UNC79: variants seen among roughly 807,000 people sequenced by gnomAD.
The protein encoded by UNC79 is unc-79 subunit of NALCN channel complex, also known as protein unc-79 homolog.
Under a neutral mutation model 283.1 loss-of-function variants are expected in UNC79, and 37 were observed. The observed-to-expected ratio is 0.13, with a 90% CI of 0.10 to 0.17. The LOEUF is 0.17. Among genes scored for constraint, UNC79 ranks in the 10% least tolerant of loss-of-function variants. UNC79 has a pLI of 1.00. For synonymous variants in UNC79, 1,107 were observed against 1,200.2 expected, an observed-to-expected ratio of 0.92 and a Z score of 1.61; for missense variants, 2,272 against 3,211.1, an observed-to-expected ratio of 0.71 and a Z score of 7.07.
chr14:93,333,939 G>C (rs2053516463), intron 1 of UNC79, among the ~76,000 whole-genome samples: 1 of 151,940 alleles, frequency 6.6e-6, no homozygotes, highest in African/African-American at 2.4e-5. Flanking sequence ...AACCCAGTGA[G>C]GAGGCACCGT....
At chr14:93,588,615 C>T (rs1258200609) in intron 22 of UNC79, among the ~76,000 whole-genome samples, 1 of 151,616 alleles carries the variant, frequency 6.6e-6, no homozygotes, top group Non-Finnish European at 1.5e-5. Flanking sequence ...GTGGTGGGCA[C>T]CTTTAGTCCC....
chr14:93,471,788 A>T (rs1374347838), intron 2 of UNC79, among the ~76,000 whole-genome samples: 1 of 151,952 alleles, frequency 6.6e-6, no homozygotes, highest in African/African-American at 2.4e-5. Context: ...AAAGGCAGTG[A>T]GAGAGAAGTT....
chr14:93,347,507 T>C (rs1386478744), intron 1 of UNC79: 23 of 1,241,424 alleles, frequency 1.9e-5, no homozygotes, highest in Non-Finnish European at 2.3e-5. Flanking sequence ...TGGGAGGCTC[T>C]TGTGGCTTGG....
intron 1 of UNC79, among the ~76,000 whole-genome samples, chr14:93,410,382 T>C (rs6575331): frequency 0.71 from 107,341 of 151,936 alleles, 38,394 homozygotes; most frequent in Middle Eastern, 0.78. Flanking sequence ...GAAAGGCACC[T>C]TAGGCTACAA....
At chr14:93,491,970 GT>G in intron 5 of UNC79, among the ~76,000 whole-genome samples, 1 of 152,188 alleles carries the variant, frequency 6.6e-6, no homozygotes, top group African/African-American at 2.4e-5. Context: ...GTAGGTCATG[GT>G]TCTGTTGTTT....
intron 39 of UNC79, among the ~76,000 whole-genome samples, chr14:93,660,717 A>G (rs1406879228): frequency 2.6e-5 from 4 of 151,190 alleles, no homozygotes; most frequent in Non-Finnish European, 5.9e-5. Flanking sequence ...CAGCCTCCCA[A>G]GTAGCTGGGA....
chr14:93,615,037 G>A (rs1044168954), intron 27 of UNC79, among the ~76,000 whole-genome samples: 3 of 152,096 alleles, frequency 2.0e-5, no homozygotes, highest in Admixed American at 1.3e-4. Flanking sequence ...GAGGACTTGG[G>A]GCTACAGAGA....
intron 37 of UNC79, among the ~76,000 whole-genome samples, chr14:93,654,472 TAATGGCTACATTACACTCC>T (rs145619643): frequency 0.04 from 5,997 of 148,620 alleles, 351 homozygotes; most frequent in African/African-American, 0.13. Context: ...CTCCAAGTTG[TAATGGCTACATTACACTCC>T]AATGGCTACA....
At chr14:93,648,673 G>A (rs2069901483) in intron 35 of UNC79, among the ~76,000 whole-genome samples, 1 of 152,128 alleles carries the variant, frequency 6.6e-6, no homozygotes, top group Non-Finnish European at 1.5e-5. Context: ...GGTAGTGGTA[G>A]AGGAGGGGAG....
chr14:93,628,828 T>C (rs2067780756), intron 30 of UNC79, among the ~76,000 whole-genome samples: 1 of 152,232 alleles, frequency 6.6e-6, no homozygotes, highest in Non-Finnish European at 1.5e-5. Context: ...AACAGAATCT[T>C]AGTACACTAA....
chr14:93,515,473 G>A (rs2060011763), intron 7 of UNC79, among the ~76,000 whole-genome samples: 1 of 151,780 alleles, frequency 6.6e-6, no homozygotes, highest in Non-Finnish European at 1.5e-5. Context: ...GTTTTTTATT[G>A]TGTTCAAGAC....
intron 23 of UNC79, among the ~76,000 whole-genome samples, chr14:93,595,583 G>A (rs1389346003): frequency 6.6e-6 from 1 of 151,980 alleles, no homozygotes; most frequent in Non-Finnish European, 1.5e-5. Flanking sequence ...ATCCACGCGG[G>A]GGCCATTCTG....
At chr14:93,630,686 A>T (rs897827036) in intron 30 of UNC79, 115 bp from the exon 33 acceptor site, 1 of 734,232 alleles carries the variant, frequency 1.4e-6, no homozygotes. Flanking sequence ...TTAGGCCAGG[A>T]AAGTGTATAA....
intron 1 of UNC79, among the ~76,000 whole-genome samples, chr14:93,368,957 G>A (rs1367969971): frequency 6.6e-6 from 1 of 152,212 alleles, no homozygotes; most frequent in Non-Finnish European, 1.5e-5. Flanking sequence ...TTATTTATGG[G>A]TGCTTGGATG....
intron 14 of UNC79, among the ~76,000 whole-genome samples, chr14:93,549,057 A>G (rs945994005): frequency 2.6e-5 from 4 of 152,246 alleles, no homozygotes; most frequent in African/African-American, 9.6e-5. Context: ...AAATGTCTTT[A>G]GCATTTGTAA....
chr14:93,672,154 T>C (rs957560904), intron 40 of UNC79, among the ~76,000 whole-genome samples: 8 of 152,156 alleles, frequency 5.3e-5, no homozygotes, highest in African/African-American at 1.9e-4. Flanking sequence ...AAAGTACCTG[T>C]CCTATGATTC....
intron 5 of UNC79, among the ~76,000 whole-genome samples, chr14:93,491,240 A>T (rs924882832): frequency 3.3e-5 from 5 of 152,126 alleles, no homozygotes; most frequent in South Asian, 2.1e-4. Flanking sequence ...TTGAGGTGAC[A>T]CAAACATTCA....
At chr14:93,395,112 A>G (rs977525386) in intron 1 of UNC79, among the ~76,000 whole-genome samples, 1 of 151,976 alleles carries the variant, frequency 6.6e-6, no homozygotes, top group African/African-American at 2.4e-5. Context: ...TGTGCTTTTT[A>G]TTTCTCCTTG....
chr14:93,562,693 G>A (rs750066121), intron 14 of UNC79, among the ~76,000 whole-genome samples: 16 of 152,068 alleles, frequency 1.1e-4, no homozygotes, highest in Non-Finnish European at 1.8e-4. Context: ...GTCCATTATC[G>A]GACTCTATAG....
Sources: allele counts gnomAD v4.1 joint callset (sites outside exome capture counted in the v4.1 genomes callset), GRCh38; gene constraint gnomAD v4.1.1; transcripts MANE v1.5; gene names NCBI Gene and HGNC (gene_info 2026-07-23, HGNC 2026-07-21).